The following PALM2AKAP2 variants were observed in gnomAD, a reference collection of about 807,000 sequenced individuals.
PALM2AKAP2 encodes PALM2-AKAP2 fusion protein.
A neutral mutation model predicts 71.5 loss-of-function variants in PALM2AKAP2; 37 were observed. The observed-to-expected ratio is 0.52, with a 90% confidence interval of 0.40 to 0.68. PALM2AKAP2 has a LOEUF of 0.68. Ranked by LOEUF, PALM2AKAP2 falls within the 30% of genes least tolerant of loss-of-function variation. PALM2AKAP2 has a pLI of 0.00. For synonymous variants in PALM2AKAP2, 468 were observed against 478.8 expected (o/e 0.98, Z 0.29); for missense variants, 1,224 against 1,191.8 (o/e 1.03, Z -0.40).
chr9:109,641,479 G>C (rs1380599510), intron 1 of PALM2AKAP2, among the ~76,000 whole-genome samples: 6 of 152,204 alleles, frequency 3.9e-5, no homozygotes. Flanking sequence ...CCGTGAATAC[G>C]GCATGGATGG....
chr9:109,737,174 A>C (rs1233025828), intron 1 of PALM2AKAP2, among the ~76,000 whole-genome samples: 1 of 152,228 alleles, frequency 6.6e-6, no homozygotes. Flanking sequence ...ATAAGGCACC[A>C]AAGGGATCCT....
intron 6 of PALM2AKAP2, among the ~76,000 whole-genome samples, chr9:110,009,059 T>C (rs192707986): frequency 6.6e-6 from 1 of 152,234 alleles, no homozygotes. Flanking sequence ...ACCCTCTTTG[T>C]CCAGTGATCC....
At chr9:110,048,973 CGGGCTTTTAAA>C in intron 1 of PALM2AKAP2, 1 of 1,328,278 alleles carries the variant, frequency 7.5e-7, no homozygotes, top group Non-Finnish European at 9.8e-7. Flanking sequence ...GGAAGCACCG[CGGGCTTTTAAA>C]GGGCTTTTTG....
intron 2 of PALM2AKAP2, among the ~76,000 whole-genome samples, chr9:110,142,684 G>T (rs1267957467): frequency 1.3e-5 from 2 of 152,180 alleles, no homozygotes; most frequent in Admixed American, 6.5e-5. Context: ...GGGTGTAGGG[G>T]AGAAGGAAGG....
chr9:109,760,803 A>G (rs537708255), intron 1 of PALM2AKAP2, among the ~76,000 whole-genome samples: 1 of 152,300 alleles, frequency 6.6e-6, no homozygotes, highest in East Asian at 1.9e-4. Context: ...TAGAGTACAA[A>G]TGCACTCAAT....
At chr9:110,051,123 G>A (rs1408190320) in intron 1 of PALM2AKAP2, among the ~76,000 whole-genome samples, 3 of 152,188 alleles carry the variant, frequency 2.0e-5, no homozygotes, top group African/African-American at 7.2e-5. Context: ...TGAGATGCTA[G>A]GATGAGAGGA....
intron 4 of PALM2AKAP2, among the ~76,000 whole-genome samples, chr9:109,924,579 G>A (rs1372169731): frequency 1.3e-5 from 2 of 152,112 alleles, no homozygotes; most frequent in South Asian, 2.1e-4. Context: ...CAGCCTGGGC[G>A]ACACAGCAAG....
chr9:109,656,487 G>A (rs1299029969), intron 1 of PALM2AKAP2, among the ~76,000 whole-genome samples: 1 of 152,186 alleles, frequency 6.6e-6, no homozygotes, highest in Non-Finnish European at 1.5e-5. Context: ...TCCAAGTGAG[G>A]GGCCGTGGCT....
chr9:110,053,870 G>A (rs1356452553), intron 1 of PALM2AKAP2, among the ~76,000 whole-genome samples: 2 of 152,194 alleles, frequency 1.3e-5, no homozygotes, highest in African/African-American at 2.4e-5. Flanking sequence ...GAACTTACTG[G>A]GGAAGGCCAC....
intron 7 of PALM2AKAP2, among the ~76,000 whole-genome samples, chr9:110,017,455 C>T (rs755484809): frequency 6.6e-6 from 1 of 152,146 alleles, no homozygotes; most frequent in Non-Finnish European, 1.5e-5. Context: ...ATTGCAATGA[C>T]ATGTTGGTGT....
chr9:109,808,507 C>T lies in PALM2AKAP2; in HGVS notation c.45+27974C>T, dbSNP rs111386402. ...GAGGTGACTTGGGTGCTGTTAAATG[C>T]ATTCAGTTTTATATATTCACAAATA... On this transcript the variant is annotated intron_variant, in intron 1 of 9. Coordinates refer to the PALM2AKAP2 transcript ENST00000302798. Among the ~76,000 whole-genome samples, 666 of 152,304 alleles carry T rather than the reference C, an allele frequency of 4.4e-3. 4 individuals carry two copies. Among genetic ancestry groups the T allele is most frequent in the African/African-American group, 0.015 (630 of 41,568 alleles).
rs1832110532 is a variant in PALM2AKAP2 at position 109,973,494 on chromosome 9, G to A, written c.496+41466G>A. Among the ~76,000 whole-genome samples the A allele has an allele frequency of 2.0e-5, 3 of 152,190 alleles. No individual in the cohort carries two copies. In the South Asian group the frequency reaches 6.2e-4, roughly 31 times the overall value. ...TATAGTGGCTCTTAAAGTCATGCTT[G>A]GATGTGGCACGTGTAGCTTATATTC... On this transcript the variant is annotated intron_variant, in intron 6 of 9. Coordinates refer to the PALM2AKAP2 transcript ENST00000302798.
chr9:110,059,902 C>T (rs910904155), intron 1 of PALM2AKAP2, among the ~76,000 whole-genome samples: 1 of 152,006 alleles, frequency 6.6e-6, no homozygotes, highest in East Asian at 1.9e-4. Context: ...ACCTGGTCAT[C>T]GATTTTTAGT....
chr9:110,053,145 C>T (rs1433169744), intron 1 of PALM2AKAP2, among the ~76,000 whole-genome samples: 1 of 152,168 alleles, frequency 6.6e-6, no homozygotes, highest in Non-Finnish European at 1.5e-5. Flanking sequence ...CTGCCCTCGC[C>T]TCCTTTTCCC....
chr9:109,885,937 C>T lies in PALM2AKAP2; in HGVS notation c.257+5256C>T, dbSNP rs537925198. ...TAATGTGGTCTTGAAGGGGTGACACCAAAGCAGCTGCAAAGGAAGAGGAAA... is the reference window on the plus strand; with the variant it reads ...TAATGTGGTCTTGAAGGGGTGACACTAAAGCAGCTGCAAAGGAAGAGGAAA... On this transcript the variant is annotated intron_variant, in intron 3 of 9. Coordinates refer to the PALM2AKAP2 transcript ENST00000302798. Among the ~76,000 whole-genome samples the T allele has an allele frequency of 2.0e-5, 3 of 152,262 alleles. No homozygotes were observed. The South Asian group carries it at 6.2e-4, about 32-fold the overall frequency.
intron 1 of PALM2AKAP2, among the ~76,000 whole-genome samples, chr9:109,738,532 T>C (rs374446429): frequency 5.8e-4 from 88 of 152,200 alleles, no homozygotes; most frequent in African/African-American, 2.1e-3. Flanking sequence ...TTCTATACAC[T>C]AGCAATGGAT....
intron 1 of PALM2AKAP2, among the ~76,000 whole-genome samples, chr9:109,762,829 T>G (rs1490741562): frequency 1.3e-5 from 2 of 152,224 alleles, no homozygotes; most frequent in African/African-American, 4.8e-5. Context: ...TACCCTCCTT[T>G]TATCTCAATG....
intron 1 of PALM2AKAP2, 85 bp from the exon 2 acceptor site, chr9:109,867,406 G>A: frequency 7.4e-7 from 1 of 1,356,346 alleles, no homozygotes. Flanking sequence ...ACAGATGTGT[G>A]CTGCTGCTGC....
At chr9:109,798,358 G>A (rs894086288) in intron 1 of PALM2AKAP2, among the ~76,000 whole-genome samples, 1 of 152,312 alleles carries the variant, frequency 6.6e-6, no homozygotes, top group Middle Eastern at 3.4e-3. Flanking sequence ...CGCAGTGATG[G>A]TCAAGCGTAC....
Sources: allele counts gnomAD v4.1 joint callset (sites outside exome capture counted in the v4.1 genomes callset), GRCh38; gene constraint gnomAD v4.1.1; transcripts MANE v1.5; gene names NCBI Gene and HGNC (gene_info 2026-07-23, HGNC 2026-07-21).